Variants in ACAN observed in about 807,000 individuals in gnomAD.
The protein encoded by ACAN is aggrecan core protein.
Under a neutral mutation model 169.1 loss-of-function variants are expected in ACAN, and 47 were observed. That is an observed-to-expected ratio of 0.28 (90% confidence interval 0.22 to 0.35). The LOEUF (loss-of-function observed/expected upper bound fraction) is 0.35, where lower values mean the gene tolerates loss of function less well. Among genes scored for constraint, ACAN ranks in the 10% least tolerant of loss-of-function variants. The probability of loss-of-function intolerance (pLI) is 1.00; values close to 1 mark genes in which losing one functional copy is unlikely to be tolerated. For synonymous variants in ACAN, 1,115 were observed against 1,112.2 expected (o/e 1.00, Z -0.05); for missense variants, 2,716 against 2,759.9 (o/e 0.98, Z 0.36).
intron 1 of ACAN, among the ~76,000 whole-genome samples, chr15:88,825,337 C>G (rs543955851): frequency 5.3e-5 from 8 of 152,130 alleles, no homozygotes; most frequent in Non-Finnish European, 1.2e-4. Context: ...AGAGGAAGTT[C>G]CAAGTAAGTT....
intron 1 of ACAN, among the ~76,000 whole-genome samples, chr15:88,810,618 A>C (rs1895797712): frequency 6.6e-6 from 1 of 152,088 alleles, no homozygotes; most frequent in Non-Finnish European, 1.5e-5. Flanking sequence ...TTCTAGGATG[A>C]CTCAGGCAGG....
intron 7 of ACAN, among the ~76,000 whole-genome samples, 173 bp from the exon 8 acceptor site, chr15:88,847,070 C>T (rs902234584): frequency 2.0e-5 from 3 of 152,200 alleles, no homozygotes; most frequent in South Asian, 2.1e-4. Flanking sequence ...GGCAGATGGA[C>T]GCTGCCATCC....
intron 1 of ACAN, among the ~76,000 whole-genome samples, chr15:88,804,746 C>T (rs952223469): frequency 1.2e-4 from 19 of 152,124 alleles, no homozygotes; most frequent in African/African-American, 4.6e-4. Context: ...CCATCATTAT[C>T]CTCCTTTCAG....
chr15:88,833,533 A>G (rs879812639), intron 1 of ACAN, among the ~76,000 whole-genome samples: 17 of 152,170 alleles, frequency 1.1e-4, no homozygotes, highest in Non-Finnish European at 2.2e-4. Context: ...GTCTTCTCGC[A>G]TAAAAGGCTC....
In ACAN at chr15:88,847,926, C is replaced by G; in HGVS notation, c.1620C>G (p.Ser540Arg). Residue 540 changes from serine to arginine, a missense_variant, in exon 9 of 19, where the codon AGC becomes AGG. Ser to Arg is a moderately radical substitution (Grantham distance 110, BLOSUM62 -1). Transcript: ENST00000560601. ...TCCTTTGCAGATACCCCATTGTGAG[C>G]CCCCGGACCCCATGCGTGGGTGACA... Reference protein sequence around the residue: ...RDQTVRYPIVSPRTPCVGDKD... With the variant: ...RDQTVRYPIVRPRTPCVGDKD... 1 of 1,613,770 alleles carries G rather than the reference C, an allele frequency of 6.2e-7. No homozygotes were observed.
rs763410231 is a variant in ACAN, at chr15:88,839,026, C to A, written c.434C>A (p.Thr145Asn). The change falls in exon 3 of 19, where the codon ACC becomes AAC. Residue 145 changes from threonine (T) to asparagine (N), a missense_variant. Physicochemically the swap from Thr to Asn is moderately conservative, Grantham distance 65 (BLOSUM62 0). Transcript: ENST00000560601. The surrounding 1 kb of genome is among the most constrained non-coding windows in gnomAD (Gnocchi z 4.5). ...CATGGCATCGAGGACAGCGAGGCCA[C>A]CCTGGAAGTCGTGGTGAAAGGTGAG... is the stretch of plus-strand genomic sequence containing the variant. Reference protein sequence around the residue: ...VMHGIEDSEATLEVVVKGIVF... With the variant: ...VMHGIEDSEANLEVVVKGIVF... 6.2e-7 allele frequency: 1 copy of A among 1,604,662 alleles called. No individual in the cohort carries two copies. Among genetic ancestry groups the A allele is most frequent in the Middle Eastern group, 1.7e-4 (1 of 6,054 alleles).
At chr15:88,817,100 T>A (rs1895960135) in intron 1 of ACAN, among the ~76,000 whole-genome samples, 1 of 152,192 alleles carries the variant, frequency 6.6e-6, no homozygotes, top group Non-Finnish European at 1.5e-5. Context: ...AAGGCTGGAA[T>A]CTATTTTCTC....
intron 1 of ACAN, among the ~76,000 whole-genome samples, chr15:88,808,470 C>G (rs919913552): frequency 6.6e-6 from 1 of 152,230 alleles, no homozygotes; most frequent in African/African-American, 2.4e-5. Flanking sequence ...CCTCCACCTA[C>G]TTACAGTCTA....
chr15:88,868,077 A>G lies in ACAN; in HGVS notation c.6947-139A>G, dbSNP rs1897308763. Reference sequence around the variant, plus strand: ...GGCAGCAGCAGCAGCAGCAGCAGCAACAGTTCTCAGGAAAACCAGCCAGTT... The same window carrying G: ...GGCAGCAGCAGCAGCAGCAGCAGCAGCAGTTCTCAGGAAAACCAGCCAGTT... On this transcript the variant is annotated intron_variant, in intron 13 of 18. Coordinates refer to ENST00000560601, the MANE Select transcript of ACAN (RefSeq NM_001369268.1). This position sits in a 1 kb window ranked among gnomAD's most constrained non-coding sequence, Gnocchi z 5.2. The G allele has an allele frequency of 9.7e-6, 6 of 620,546 alleles. No individual in the cohort carries two copies. The highest frequency in any genetic ancestry group is 1.9e-5 in the South Asian group (1 of 52,702). 38.4% of individuals were successfully genotyped at this position (620,546 alleles called of 1,614,324 possible).
chr15:88,811,982 T>C (rs1473232706), intron 1 of ACAN, among the ~76,000 whole-genome samples: 1 of 152,176 alleles, frequency 6.6e-6, no homozygotes, highest in East Asian at 1.9e-4. Flanking sequence ...AGTGGGTCTC[T>C]GTTGTGACTT....
At chr15:88,816,082 C>T (rs1479039695) in intron 1 of ACAN, among the ~76,000 whole-genome samples, 1 of 152,190 alleles carries the variant, frequency 6.6e-6, no homozygotes, top group Non-Finnish European at 1.5e-5. Context: ...TGGTGATCTC[C>T]CTGTGTGTCT....
At chr15:88,841,647 T>C in intron 4 of ACAN, 93 bp from the exon 5 acceptor site, 4 of 1,487,164 alleles carry the variant, frequency 2.7e-6, no homozygotes, top group South Asian at 1.2e-5. Context: ...ATTAAGTTGC[T>C]GTTTCCTCCC....
Position 88,851,349 on chromosome 15 carries a change from GT to G in ACAN, c.2027-443del, listed in dbSNP as rs1304831161. The G allele has an allele frequency of 6.3e-6, 1 of 158,776 alleles. No homozygotes were observed. Among genetic ancestry groups the G allele is most frequent in the East Asian group, 1.8e-4 (1 of 5,526 alleles). The allele number at this position is 158,776 out of a possible 1,614,324, so 9.8% of individuals were successfully genotyped here. A position where few individuals can be genotyped will look rare whatever the true frequency, so the allele number is the denominator to read the frequency against. On this transcript the variant is annotated intron_variant, in intron 10 of 18. Coordinates refer to ENST00000560601, the MANE Select transcript of ACAN (RefSeq NM_001369268.1). This position sits in a 1 kb window ranked among gnomAD's most constrained non-coding sequence, Gnocchi z 4.3. ...CCCTGTCCCCCAAGGTTGTTCAGTA[GT>G]TGAGAGCGTGGAGTCTGGTACCAGA...
intron 6 of ACAN, among the ~76,000 whole-genome samples, chr15:88,844,420 C>T (rs1896746246): frequency 6.6e-6 from 1 of 151,690 alleles, no homozygotes; most frequent in South Asian, 2.1e-4. Context: ...GTCACCCAGG[C>T]TGGAGTGCAG....
At position 88,868,234 on chromosome 15, in the gene ACAN, C is replaced by G. The variant is rs148334815; in HGVS notation, c.6965C>G (p.Ser2322Ter). Residue 2322 changes from serine (S) to a stop codon, truncating the protein, a stop_gained, in exon 14 of 19, where the codon TCA (serine) becomes TGA (stop). Transcript: ENST00000560601. LOFTEE classifies it high-confidence loss of function. The surrounding 1 kb of genome is among the most constrained non-coding windows in gnomAD (Gnocchi z 5.2). ...HCNIDIDECL[S>*]SPCLNGATCV... ...CTTGCAGACATTGATGAGTGCCTCT[C>G]AAGCCCTTGTCTGAATGGAGCCACC... is the stretch of plus-strand genomic sequence containing the variant. 13 of 702,748 alleles carry G rather than the reference C, an allele frequency of 1.8e-5. No individual in the cohort carries two copies. In the East Asian group the frequency reaches 3.5e-4, roughly 19 times the overall value. The allele number at this position is 702,748 out of a possible 1,614,324, so 43.5% of individuals were successfully genotyped here. A position where few individuals can be genotyped will look rare whatever the true frequency, so the allele number is the denominator to read the frequency against.
At chr15:88,825,694 A>G (rs1896197653) in intron 1 of ACAN, among the ~76,000 whole-genome samples, 1 of 152,172 alleles carries the variant, frequency 6.6e-6, no homozygotes, top group Admixed American at 6.5e-5. Flanking sequence ...TCAGTGAGTG[A>G]AGGGAATCAC....
Position 88,845,881 on chromosome 15 carries a change from G to A in ACAN, c.1428G>A (p.Gly476=). The A allele has an allele frequency of 6.9e-7, 1 of 1,451,038 alleles. No homozygotes were observed. The highest frequency in any genetic ancestry group is 9.1e-7 in the Non-Finnish European group (1 of 1,098,414). The allele number at this position is 1,451,038 out of a possible 1,614,324, so 89.9% of individuals were successfully genotyped here. ...TCCCTGGGCAGCCGCATTTGCCAGG[G>A]GGTAAGTAGCTGCCCGTGGGTGCAT... ...TAVPGQPHLP[G]GVVFHYRPGP... Residue 476 remains glycine, a splice_region_variant and synonymous_variant, in exon 7 of 19, where the codon GGG becomes GGA. Transcript: ENST00000560601.
intron 1 of ACAN, among the ~76,000 whole-genome samples, chr15:88,804,432 G>A (rs766478851): frequency 4.6e-5 from 7 of 152,206 alleles, no homozygotes; most frequent in Non-Finnish European, 1.0e-4. Flanking sequence ...ACCTGGGACA[G>A]AGCTACTGAA....
chr15:88,839,890 A>G lies in ACAN; in HGVS notation c.455-122A>G. 2 of 1,189,612 alleles carry G rather than the reference A, an allele frequency of 1.7e-6. No homozygotes were observed. Among genetic ancestry groups the G allele is most frequent in the Non-Finnish European group, 2.4e-6 (2 of 847,354 alleles). 73.7% of individuals were successfully genotyped at this position (1,189,612 alleles called of 1,614,324 possible). A position where few individuals can be genotyped will look rare whatever the true frequency, so the allele number is the denominator to read the frequency against. On this transcript the variant is annotated intron_variant, in intron 3 of 18. Coordinates refer to ENST00000560601, the MANE Select transcript of ACAN (RefSeq NM_001369268.1). This position sits in a 1 kb window ranked among gnomAD's most constrained non-coding sequence, Gnocchi z 4.5. ...AAAGGTGTACAGGGAGTCATGCATC[A>G]GCCCAGACCAGCCAGTTCCCTAAGG...
Sources: allele counts gnomAD v4.1 joint callset (sites outside exome capture counted in the v4.1 genomes callset), GRCh38; gene constraint gnomAD v4.1.1; non-coding constraint Gnocchi (gnomAD v3.1); transcripts MANE v1.5; gene names NCBI Gene and HGNC (gene_info 2026-07-23, HGNC 2026-07-21).